The following NOL4 variants were observed in gnomAD, a reference collection of about 807,000 sequenced individuals.
NOL4 encodes cancer/testis antigen 125.
A neutral mutation model predicts 75.9 loss-of-function variants in NOL4; 17 were observed. The ratio of observed to expected loss-of-function variants is 0.22; its 90% CI spans 0.15 to 0.34. The LOEUF (loss-of-function observed/expected upper bound fraction) is 0.34, where lower values mean the gene tolerates loss of function less well. NOL4 is among the 10% of genes least tolerant of loss of function. NOL4 has a pLI of 1.00. For synonymous variants in NOL4, 292 were observed against 289.9 expected (o/e 1.01, Z -0.07); for missense variants, 614 against 793.5 (o/e 0.77, Z 2.72).
At chr18:34,047,134 C>A (rs1180356450) in intron 5 of NOL4, among the ~76,000 whole-genome samples, 1 of 152,104 alleles carries the variant, frequency 6.6e-6, no homozygotes, top group Non-Finnish European at 1.5e-5. Flanking sequence ...ACCTGTTCAA[C>A]TCTAGGACCA....
chr18:34,091,071 C>A (rs1423841195), intron 5 of NOL4, among the ~76,000 whole-genome samples: 1 of 151,736 alleles, frequency 6.6e-6, no homozygotes. Context: ...CTTGATAGGC[C>A]AGCCACAGTG....
intron 6 of NOL4, among the ~76,000 whole-genome samples, chr18:33,979,441 A>C (rs1044084900): frequency 1.3e-5 from 2 of 152,088 alleles, no homozygotes; most frequent in Non-Finnish European, 2.9e-5. Context: ...CCTATTTATA[A>C]AATGTCTTAA....
At chr18:34,160,004 A>G (rs574399126) in intron 1 of NOL4, among the ~76,000 whole-genome samples, 1 of 152,274 alleles carries the variant, frequency 6.6e-6, no homozygotes, top group African/African-American at 2.4e-5. Context: ...AATGGACTTC[A>G]AAATTGCATA....
At chr18:33,909,445 G>A (rs1299751300) in intron 9 of NOL4, among the ~76,000 whole-genome samples, 1 of 151,996 alleles carries the variant, frequency 6.6e-6, no homozygotes, top group African/African-American at 2.4e-5. Context: ...CATATCCCAC[G>A]ATTACTTCCT....
At chr18:33,971,806 A>C (rs1028567117) in intron 6 of NOL4, among the ~76,000 whole-genome samples, 1 of 152,104 alleles carries the variant, frequency 6.6e-6, no homozygotes, top group Non-Finnish European at 1.5e-5. Context: ...TGTTGTCTAC[A>C]GCTAAAATTT....
intron 1 of NOL4, among the ~76,000 whole-genome samples, chr18:34,160,073 C>T (rs979377924): frequency 1.3e-5 from 2 of 152,154 alleles, no homozygotes; most frequent in African/African-American, 4.8e-5. Context: ...TGGAGCAAAA[C>T]AAACCCAGGC....
chr18:34,134,364 C>A (rs1490297573), intron 1 of NOL4, among the ~76,000 whole-genome samples: 1 of 151,372 alleles, frequency 6.6e-6, no homozygotes, highest in Non-Finnish European at 1.5e-5. Context: ...AAAAGAGACT[C>A]ATTTCATAGT....
At chr18:34,118,936 A>G (rs556814677) in intron 2 of NOL4, among the ~76,000 whole-genome samples, 2 of 152,348 alleles carry the variant, frequency 1.3e-5, no homozygotes, top group South Asian at 4.1e-4. Flanking sequence ...TTCAGCAAAT[A>G]TCTATTGAAT....
At chr18:33,890,785 T>G (rs1224764752) in intron 9 of NOL4, among the ~76,000 whole-genome samples, 1 of 152,114 alleles carries the variant, frequency 6.6e-6, no homozygotes, top group East Asian at 1.9e-4. Flanking sequence ...GTGTGTGTGC[T>G]AATACGCAGG....
intron 8 of NOL4, among the ~76,000 whole-genome samples, chr18:33,949,911 A>G (rs1056145636): frequency 2.0e-5 from 3 of 152,066 alleles, no homozygotes; most frequent in African/African-American, 4.8e-5. Flanking sequence ...ATCAAGACAC[A>G]GGATCAACTA....
chr18:34,191,249 C>T (rs954249763), intron 1 of NOL4, among the ~76,000 whole-genome samples: 1 of 152,070 alleles, frequency 6.6e-6, no homozygotes, highest in Non-Finnish European at 1.5e-5. Flanking sequence ...TTAAGTCTCA[C>T]TCTCTTCATT....
intron 5 of NOL4, among the ~76,000 whole-genome samples, chr18:34,041,512 G>GAAA (rs11454269): frequency 6.8e-6 from 1 of 146,778 alleles, no homozygotes. Context: ...TAGCTAAAAT[G>GAAA]AAAAAAAAAA....
At chr18:34,010,369 T>C (rs2074302365) in intron 6 of NOL4, among the ~76,000 whole-genome samples, 1 of 151,880 alleles carries the variant, frequency 6.6e-6, no homozygotes, top group South Asian at 2.1e-4. Flanking sequence ...TTCCATTGTG[T>C]ATATGTAATA....
At chr18:33,918,646 T>C (rs1348160714) in intron 9 of NOL4, among the ~76,000 whole-genome samples, 8 of 152,198 alleles carry the variant, frequency 5.3e-5, no homozygotes, top group African/African-American at 1.9e-4. Context: ...AAGACTAAAC[T>C]TACTTTTCAT....
At position 34,223,350 on chromosome 18, in the gene NOL4, G is replaced by T. The variant is rs1490792927; in HGVS notation, c.-97C>A. On this transcript the variant is annotated 5_prime_UTR_variant, in exon 1 of 11. Coordinates refer to ENST00000261592, the MANE Select transcript of NOL4 (RefSeq NM_003787.5). ...AATGCAGCCCCGGCCACGTTGCAGGGATGCGAGGTCCCGGCCGCAGCGGGA... is the reference window on the plus strand; with the variant it reads ...AATGCAGCCCCGGCCACGTTGCAGGTATGCGAGGTCCCGGCCGCAGCGGGA... 5 of 1,508,864 alleles carry T rather than the reference G, an allele frequency of 3.3e-6. No individual in the cohort carries two copies. The highest frequency in any genetic ancestry group is 4.4e-6 in the Non-Finnish European group (5 of 1,126,764). 93.5% of individuals were successfully genotyped at this position (1,508,864 alleles called of 1,614,324 possible). A position where few individuals can be genotyped will look rare whatever the true frequency, so the allele number is the denominator to read the frequency against.
At chr18:34,168,674 T>C (rs1183416383) in intron 1 of NOL4, among the ~76,000 whole-genome samples, 1 of 151,664 alleles carries the variant, frequency 6.6e-6, no homozygotes, top group Non-Finnish European at 1.5e-5. Context: ...AAACCCTTGA[T>C]AACAAAAGAT....
intron 1 of NOL4, 59 bp downstream of exon 1, chr18:34,222,931 C>T: frequency 1.3e-6 from 2 of 1,578,196 alleles, no homozygotes; most frequent in Non-Finnish European, 1.7e-6. Flanking sequence ...CTCTCTCCTT[C>T]CTCCCTCCCC....
At chr18:33,954,403 G>A (rs889118126) in intron 8 of NOL4, among the ~76,000 whole-genome samples, 2 of 152,048 alleles carry the variant, frequency 1.3e-5, no homozygotes, top group Admixed American at 1.3e-4. Flanking sequence ...GAATGTAAGG[G>A]ACTACTGCAG....
chr18:34,023,372 C>T (rs1271429298), intron 5 of NOL4: 6 of 453,226 alleles, frequency 1.3e-5, no homozygotes, highest in Non-Finnish European at 2.2e-5. Context: ...TTTAAAATCG[C>T]GGATCTCAGA....
Sources: gnomAD v4.1 joint callset for allele counts (sites outside exome capture counted in the v4.1 genomes callset) on GRCh38, gnomAD v4.1.1 for gene constraint, MANE v1.5 for transcripts, NCBI Gene and HGNC (gene_info 2026-07-23, HGNC 2026-07-21) for gene names.